The following SLC45A4 variants were observed in gnomAD, a reference collection of about 807,000 sequenced individuals.
SLC45A4 encodes solute carrier family 45 member 4.
Under a neutral mutation model 63.7 loss-of-function variants are expected in SLC45A4, and 32 were observed. The ratio of observed to expected loss-of-function variants is 0.50; its 90% confidence interval spans 0.38 to 0.67. The LOEUF (loss-of-function observed/expected upper bound fraction) is 0.67. Ranked by LOEUF, SLC45A4 falls within the 30% of genes least tolerant of loss-of-function variation. The pLI, the probability that SLC45A4 is intolerant of heterozygous loss-of-function variation, is 0.00. For synonymous variants in SLC45A4, 535 were observed against 510.0 expected (o/e 1.05, Z -0.66); for missense variants, 1,027 against 1,157.7 (o/e 0.89, Z 1.64).
chr8:141,224,833 T>G (rs1327044063), intron 2 of SLC45A4: 6 of 152,324 alleles, frequency 3.9e-5, no homozygotes, highest in Non-Finnish European at 7.3e-5. Context: ...AGATCATCCC[T>G]CTGTTTCCTG....
intron 1 of SLC45A4, among the ~76,000 whole-genome samples, chr8:141,285,988 G>A (rs1830129772): frequency 6.6e-6 from 1 of 152,218 alleles, no homozygotes; most frequent in South Asian, 2.1e-4. Context: ...CGGTTGCCTG[G>A]GGTGGGGGCA....
intron 1 of SLC45A4, among the ~76,000 whole-genome samples, chr8:141,273,773 T>C (rs1829625942): frequency 6.6e-6 from 1 of 152,016 alleles, no homozygotes; most frequent in Non-Finnish European, 1.5e-5. Flanking sequence ...AAGAACATAG[T>C]GAACGTCGTG....
At chr8:141,274,110 T>C (rs1307934070) in intron 1 of SLC45A4, among the ~76,000 whole-genome samples, 1 of 152,112 alleles carries the variant, frequency 6.6e-6, no homozygotes, top group Non-Finnish European at 1.5e-5. Context: ...GCGCCGATAG[T>C]CCCAGCTACT....
intron 2 of SLC45A4, among the ~76,000 whole-genome samples, chr8:141,247,414 T>C (rs1443016223): frequency 6.6e-6 from 1 of 151,346 alleles, no homozygotes; most frequent in African/African-American, 2.4e-5. Flanking sequence ...CTTAAGTGTG[T>C]TGAGAAGATA....
intron 1 of SLC45A4, among the ~76,000 whole-genome samples, chr8:141,292,331 T>C (rs955648398): frequency 6.6e-6 from 1 of 152,206 alleles, no homozygotes; most frequent in African/African-American, 2.4e-5. Flanking sequence ...GTTCCTCAGC[T>C]ATGTGGGCCG....
intron 4 of SLC45A4, among the ~76,000 whole-genome samples, chr8:141,219,244 A>G (rs1272380715): frequency 6.6e-6 from 1 of 152,226 alleles, no homozygotes; most frequent in Non-Finnish European, 1.5e-5. Flanking sequence ...CCCTTGATCA[A>G]TGAAGGGCAG....
At chr8:141,219,576 G>T in intron 4 of SLC45A4, 74 bp downstream of exon 4, 2 of 1,493,014 alleles carry the variant, frequency 1.3e-6, no homozygotes, top group Non-Finnish European at 1.8e-6. Context: ...GACAACACAG[G>T]CTCCTGTCCC....
chr8:141,307,794 C>G (rs1323298030), intron 1 of SLC45A4, among the ~76,000 whole-genome samples: 1 of 115,292 alleles, frequency 8.7e-6, no homozygotes, highest in Admixed American at 9.5e-5. Context: ...TGAAGGCGCG[C>G]GCCCCGGGGT....
chr8:141,281,210 G>A (rs981831815), intron 1 of SLC45A4, among the ~76,000 whole-genome samples: 1 of 152,242 alleles, frequency 6.6e-6, no homozygotes, highest in South Asian at 2.1e-4. Flanking sequence ...GTGGTGGCAG[G>A]CGCCTGTAAT....
chr8:141,233,488 C>T (rs937926914), intron 2 of SLC45A4, among the ~76,000 whole-genome samples: 1 of 152,112 alleles, frequency 6.6e-6, no homozygotes, highest in Non-Finnish European at 1.5e-5. Context: ...TCGAGATCAG[C>T]CTGGCCAACA....
intron 1 of SLC45A4, among the ~76,000 whole-genome samples, chr8:141,302,711 AATTC>A (rs1201469246): frequency 6.6e-6 from 1 of 152,160 alleles, no homozygotes; most frequent in African/African-American, 2.4e-5. Context: ...AAACATTCCT[AATTC>A]ATTCATCACT....
At chr8:141,296,223 C>CA (rs1201703787) in intron 1 of SLC45A4, among the ~76,000 whole-genome samples, 1 of 152,112 alleles carries the variant, frequency 6.6e-6, no homozygotes, top group Non-Finnish European at 1.5e-5. Context: ...CCCAGCTACT[C>CA]AGGAGGCTGA....
At chr8:141,265,762 T>C (rs1024655304) in intron 1 of SLC45A4, among the ~76,000 whole-genome samples, 8 of 152,156 alleles carry the variant, frequency 5.3e-5, no homozygotes, top group Non-Finnish European at 1.0e-4. Context: ...TGTTCTAGTA[T>C]CTCATATTCA....
At chr8:141,263,787 A>AAT (rs1554598347) in intron 1 of SLC45A4, among the ~76,000 whole-genome samples, 2,551 of 143,792 alleles carry the variant, frequency 0.018, 48 homozygotes, top group Non-Finnish European at 0.024. Flanking sequence ...AAAAAAATAA[A>AAT]AATAATAATA....
At chr8:141,294,323 G>A (rs937150313) in intron 1 of SLC45A4, among the ~76,000 whole-genome samples, 1 of 152,262 alleles carries the variant, frequency 6.6e-6, no homozygotes, top group Admixed American at 6.5e-5. Context: ...AAGCCGCATC[G>A]GGAGGGACCA....
At chr8:141,292,060 G>T (rs570229343) in intron 1 of SLC45A4, among the ~76,000 whole-genome samples, 1 of 152,206 alleles carries the variant, frequency 6.6e-6, no homozygotes, top group Non-Finnish European at 1.5e-5. Context: ...GAGGCCATGC[G>T]CTAACTTAGG....
At chr8:141,244,968 G>GGGGGGGGGGGC (rs1569558620) in intron 2 of SLC45A4, among the ~76,000 whole-genome samples, 1 of 71,836 alleles carries the variant, frequency 1.4e-5, no homozygotes, top group Non-Finnish European at 3.6e-5. Flanking sequence ...GGGGGGGGGG[G>GGGGGGGGGGGC]GCGGTGTGGA....
At chr8:141,222,283 T>C (rs1826692666) in intron 2 of SLC45A4, among the ~76,000 whole-genome samples, 1 of 152,134 alleles carries the variant, frequency 6.6e-6, no homozygotes, top group South Asian at 2.1e-4. Flanking sequence ...TGGCTGAAAA[T>C]GTACCATGGA....
At position 141,207,774 on chromosome 8, in the gene SLC45A4, G is replaced by A. The variant is rs959456668; in HGVS notation, c.*3798C>T. 6.6e-6 allele frequency: 1 copy of A among 152,374 alleles called. No homozygotes were observed. The highest frequency in any genetic ancestry group is 1.5e-5 in the Non-Finnish European group (1 of 68,138). The allele number at this position is 152,374 out of a possible 1,614,324, so 9.4% of individuals were successfully genotyped here. A position where few individuals can be genotyped will look rare whatever the true frequency, so the allele number is the denominator to read the frequency against. On this transcript the variant is annotated 3_prime_UTR_variant, in exon 9 of 9. Coordinates refer to ENST00000517878, the MANE Select transcript of SLC45A4 (RefSeq NM_001286646.2). ...GAGGACCCAAGGAGGGGCTGGCCAA[G>A]GGGCCACCTTGAGCTCTGGCCGGAG... is the stretch of plus-strand genomic sequence containing the variant.
Sources: gnomAD v4.1 joint callset for allele counts (sites outside exome capture counted in the v4.1 genomes callset) on GRCh38, gnomAD v4.1.1 for gene constraint, MANE v1.5 for transcripts, NCBI Gene and HGNC (gene_info 2026-07-23, HGNC 2026-07-21) for gene names.